The following TPST2 variants were observed in gnomAD, a reference collection of about 807,000 sequenced individuals.
TPST2 encodes the protein tyrosylprotein sulfotransferase 2.
A neutral mutation model predicts 27.8 loss-of-function variants in TPST2; 16 were observed. That is an observed-to-expected ratio of 0.58 (90% CI 0.39 to 0.88). The LOEUF is 0.88. Among genes scored for constraint, TPST2 ranks in the 40% least tolerant of loss-of-function variants. TPST2 has a pLI of 0.00. For missense variants in TPST2, 464 were observed against 543.1 expected (o/e 0.85, Z 1.45); for synonymous variants, 229 against 231.7 (o/e 0.99, Z 0.10).
intron 2 of TPST2, among the ~76,000 whole-genome samples, chr22:26,544,208 G>A (rs1300112829): frequency 1.3e-5 from 2 of 152,174 alleles, no homozygotes; most frequent in African/African-American, 4.8e-5. Context: ...TATTCAGAAG[G>A]CCAAGGAACT....
At chr22:26,571,257 C>A (rs1389554625) in intron 1 of TPST2, among the ~76,000 whole-genome samples, 1 of 152,306 alleles carries the variant, frequency 6.6e-6, no homozygotes, top group Admixed American at 6.5e-5. Flanking sequence ...GGGCCAGTGC[C>A]CTGGCTGTGC....
chr22:26,533,483 C>G (rs954672715), intron 4 of TPST2, among the ~76,000 whole-genome samples: 2 of 151,810 alleles, frequency 1.3e-5, no homozygotes, highest in African/African-American at 4.8e-5. Context: ...GAGCTGAGAC[C>G]CAAACGACAA....
rs928151862 is a variant in TPST2, at chr22:26,523,743, C to T, written c.*2532G>A. Reference sequence around the variant, plus strand: ...GCAACTACAGGCATGCGCCACGACGCCCAGCTAATTTTTGTATTTTTAGTA... The same window carrying T: ...GCAACTACAGGCATGCGCCACGACGTCCAGCTAATTTTTGTATTTTTAGTA... On this transcript the variant is annotated 3_prime_UTR_variant, in exon 7 of 7. Coordinates refer to ENST00000338754, the MANE Select transcript of TPST2 (RefSeq NM_003595.5). 1.3e-5 allele frequency: 2 copies of T among 152,158 alleles called. No individual in the cohort carries two copies. Among genetic ancestry groups the T allele is most frequent in the Admixed American group, 1.3e-4 (2 of 15,270 alleles). 9.4% of individuals were successfully genotyped at this position (152,158 alleles called of 1,614,324 possible).
chr22:26,550,715 A>G, intron 1 of TPST2: 1 of 939,838 alleles, frequency 1.1e-6, no homozygotes, highest in South Asian at 4.9e-5. Context: ...ACCCTACCAG[A>G]CCACGCTGAC....
chr22:26,570,752 T>A (rs1322272351), intron 1 of TPST2, among the ~76,000 whole-genome samples: 3 of 151,294 alleles, frequency 2.0e-5, no homozygotes, highest in Admixed American at 1.3e-4. Context: ...AGCAGCAGCA[T>A]ACCCCACCTG....
intron 1 of TPST2, among the ~76,000 whole-genome samples, chr22:26,581,514 G>C (rs1182201031): frequency 6.6e-6 from 1 of 152,190 alleles, no homozygotes; most frequent in Non-Finnish European, 1.5e-5. Context: ...TGTGCTCTGG[G>C]AAAAAGTTCT....
At chr22:26,534,395 G>C (rs1925336343) in intron 4 of TPST2, among the ~76,000 whole-genome samples, 2 of 152,168 alleles carry the variant, frequency 1.3e-5, no homozygotes, top group Non-Finnish European at 2.9e-5. Context: ...GACCGCCCCA[G>C]GGAAGAAATC....
chr22:26,577,570 C>T (rs779108177), intron 1 of TPST2, among the ~76,000 whole-genome samples: 17 of 150,952 alleles, frequency 1.1e-4, no homozygotes, highest in Non-Finnish European at 1.8e-4. Flanking sequence ...AGGATGGTCT[C>T]GAACTCCTGA....
intron 1 of TPST2, among the ~76,000 whole-genome samples, chr22:26,561,520 G>A (rs987963359): frequency 6.6e-6 from 1 of 151,454 alleles, no homozygotes; most frequent in Non-Finnish European, 1.5e-5. Context: ...TAATTATTCT[G>A]TTAACTGAAT....
chr22:26,566,718 C>T (rs1469254957), intron 1 of TPST2, among the ~76,000 whole-genome samples: 2 of 152,156 alleles, frequency 1.3e-5, no homozygotes, highest in African/African-American at 2.4e-5. Flanking sequence ...AGCCACTGCA[C>T]TCCGGCCTAG....
chr22:26,576,897 C>T (rs1002623873), intron 1 of TPST2, among the ~76,000 whole-genome samples: 2 of 151,484 alleles, frequency 1.3e-5, no homozygotes, highest in African/African-American at 2.4e-5. Flanking sequence ...GAGATTGAGA[C>T]CATCCTGGCT....
chr22:26,555,239 G>A, intron 1 of TPST2: 1 of 532,714 alleles, frequency 1.9e-6, no homozygotes, highest in Non-Finnish European at 3.8e-6. Context: ...GTAGGCTGGT[G>A]CAAAAGTAAT....
chr22:26,551,477 G>A (rs930215488), intron 1 of TPST2, among the ~76,000 whole-genome samples: 3 of 152,310 alleles, frequency 2.0e-5, no homozygotes, highest in Non-Finnish European at 1.5e-5. Flanking sequence ...CGAAGGCCAT[G>A]CAGCTGGGAG....
At chr22:26,532,618 C>T (rs1925232064) in intron 5 of TPST2, 77 bp downstream of exon 5, 2 of 1,437,406 alleles carry the variant, frequency 1.4e-6, no homozygotes, top group South Asian at 1.2e-5. Flanking sequence ...GGAGAAGTGA[C>T]ACATCTAAGG....
intron 1 of TPST2, among the ~76,000 whole-genome samples, chr22:26,571,232 C>CA (rs1927611881): frequency 6.6e-6 from 1 of 152,172 alleles, no homozygotes; most frequent in African/African-American, 2.4e-5. Flanking sequence ...AACACACAAG[C>CA]ACCCTCCCTC....
chr22:26,557,023 C>A (rs920617666), intron 1 of TPST2, among the ~76,000 whole-genome samples: 1 of 152,254 alleles, frequency 6.6e-6, no homozygotes, highest in Non-Finnish European at 1.5e-5. Context: ...ATTTGAGACC[C>A]AGCCTGCGGC....
intron 1 of TPST2, among the ~76,000 whole-genome samples, chr22:26,556,822 G>A (rs199999710): frequency 9.2e-5 from 14 of 152,150 alleles, no homozygotes; most frequent in Admixed American, 2.6e-4. Flanking sequence ...ATTCCTGCCC[G>A]TTTCCTCGCC....
chr22:26,554,457 C>A (rs1926671081), intron 1 of TPST2, among the ~76,000 whole-genome samples: 1 of 152,158 alleles, frequency 6.6e-6, no homozygotes, highest in Non-Finnish European at 1.5e-5. Flanking sequence ...ACCATGGGAT[C>A]CCGTCTCTAC....
chr22:26,578,648 G>A (rs16982399), intron 1 of TPST2, among the ~76,000 whole-genome samples: 3,028 of 152,092 alleles, frequency 0.02, 93 homozygotes, highest in African/African-American at 0.069. Context: ...CTCAGAAGTC[G>A]GTGTCTACAC....
Sources: allele counts gnomAD v4.1 joint callset (sites outside exome capture counted in the v4.1 genomes callset), GRCh38; gene constraint gnomAD v4.1.1; transcripts MANE v1.5; gene names NCBI Gene and HGNC (gene_info 2026-07-23, HGNC 2026-07-21).